The following B4GALNT3 variants were observed in gnomAD, a reference collection of about 807,000 sequenced individuals.
B4GALNT3 encodes beta-1,4-N-acetyl-galactosaminyltransferase 3.
B4GALNT3 carries 86 observed loss-of-function variants against 120.2 expected under a neutral mutation model. The observed-to-expected ratio is 0.72, with a 90% CI of 0.60 to 0.86. B4GALNT3 has a LOEUF of 0.86. Among genes scored for constraint, B4GALNT3 ranks in the 40% least tolerant of loss-of-function variants. The probability of loss-of-function intolerance (pLI) is 0.00; values close to 1 mark genes in which losing one functional copy is unlikely to be tolerated. For missense variants in B4GALNT3, 1,167 were observed against 1,298.9 expected (o/e 0.90, Z 1.56); for synonymous variants, 518 against 510.4 (o/e 1.01, Z -0.20).
rs774478685 is a variant in B4GALNT3 at position 561,783 on chromosome 12, G to A, written c.*332G>A. 9 of 240,884 alleles carry A rather than the reference G, an allele frequency of 3.7e-5. No individual in the cohort carries two copies. Among genetic ancestry groups the A allele is most frequent in the East Asian group, 2.9e-4 (3 of 10,394 alleles). 14.9% of individuals were successfully genotyped at this position (240,884 alleles called of 1,614,324 possible). A position where few individuals can be genotyped will look rare whatever the true frequency, so the allele number is the denominator to read the frequency against. On this transcript the variant is annotated 3_prime_UTR_variant, in exon 20 of 20. Transcript: ENST00000266383. ...ACCATCCTCATCCATGAAGGTGCAC[G>A]CCCACATCCCCCAAGCGCTCCTCAC...
chr12:468,980 T>C (rs1946109807), intron 1 of B4GALNT3, among the ~76,000 whole-genome samples: 1 of 152,248 alleles, frequency 6.6e-6, no homozygotes, highest in South Asian at 2.1e-4. Context: ...AGACTTTATG[T>C]ATAAATGCTC....
chr12:556,483 C>T, intron 14 of B4GALNT3, 64 bp from the exon 15 acceptor site: 1 of 1,483,430 alleles, frequency 6.7e-7, no homozygotes, highest in Non-Finnish European at 9.3e-7. Flanking sequence ...AGGCTTCTCA[C>T]ACACCGTGCT....
Position 536,309 on chromosome 12 carries a change from T to C in B4GALNT3, c.351+14T>C. The C allele has an allele frequency of 6.3e-7, 1 of 1,595,508 alleles. No homozygotes were observed. Among genetic ancestry groups the C allele is most frequent in the African/African-American group, 1.3e-5 (1 of 74,624 alleles). On this transcript the variant is annotated intron_variant, in intron 3 of 19. Transcript: ENST00000266383. The stretch of plus-strand genomic sequence containing the variant: ...TGGCTCTCAGAGGTGAGGGACTTTC[T>C]ATTGTACCTGCCCTTTGAGAGAGCT...
At chr12:508,474 G>A (rs557697620) in intron 1 of B4GALNT3, among the ~76,000 whole-genome samples, 1 of 152,212 alleles carries the variant, frequency 6.6e-6, no homozygotes, top group Non-Finnish European at 1.5e-5. Flanking sequence ...TAGAGATAGG[G>A]TCTTACTACA....
chr12:462,212 G>T (rs1057089473), intron 1 of B4GALNT3, among the ~76,000 whole-genome samples: 2 of 152,006 alleles, frequency 1.3e-5, no homozygotes, highest in African/African-American at 4.8e-5. Context: ...GTGGGTGGGG[G>T]CCTGGGAGGC....
intron 1 of B4GALNT3, among the ~76,000 whole-genome samples, chr12:514,401 G>A (rs1425785062): frequency 6.6e-6 from 1 of 151,712 alleles, no homozygotes; most frequent in Non-Finnish European, 1.5e-5. Context: ...GTTTCACCGT[G>A]TTAGCCAGGA....
chr12:475,570 G>A (rs979737158), intron 1 of B4GALNT3, among the ~76,000 whole-genome samples: 7 of 151,910 alleles, frequency 4.6e-5, no homozygotes, highest in Admixed American at 2.0e-4. Flanking sequence ...CCTCCTCTTC[G>A]CCCTGTGCCT....
At chr12:547,943 T>C in intron 7 of B4GALNT3, 81 bp from the exon 8 acceptor site, 1 of 1,194,440 alleles carries the variant, frequency 8.4e-7, no homozygotes. Flanking sequence ...GAGTGTAAGG[T>C]GCTGGAAGGG....
rs1161523775 is a variant in B4GALNT3, at chr12:553,060, G to A, written c.1271-134G>A. ...TACCTTGCCCAGGGTCACACAGTAAGCGATAGAACCTGGATTCAACCCCAG... is the reference window on the plus strand; with the variant it reads ...TACCTTGCCCAGGGTCACACAGTAAACGATAGAACCTGGATTCAACCCCAG... On this transcript the variant is annotated intron_variant, in intron 13 of 19. Coordinates refer to ENST00000266383, the MANE Select transcript of B4GALNT3 (RefSeq NM_173593.4). 4 of 1,306,704 alleles carry A rather than the reference G, an allele frequency of 3.1e-6. No individual in the cohort carries two copies. The African/African-American group carries it at 5.9e-5, about 19-fold the overall frequency. The allele number at this position is 1,306,704 out of a possible 1,614,324, so 80.9% of individuals were successfully genotyped here.
intron 1 of B4GALNT3, among the ~76,000 whole-genome samples, chr12:492,471 T>C (rs1946351592): frequency 6.6e-6 from 1 of 152,180 alleles, no homozygotes; most frequent in African/African-American, 2.4e-5. Context: ...ATCAAAGAAC[T>C]AATTAAGTAA....
chr12:520,751 A>T (rs1160676712), intron 1 of B4GALNT3, among the ~76,000 whole-genome samples: 1 of 137,388 alleles, frequency 7.3e-6, no homozygotes, highest in African/African-American at 2.7e-5. Flanking sequence ...AGATCGTGCC[A>T]CTGCGCTCCA....
intron 19 of B4GALNT3, among the ~76,000 whole-genome samples, chr12:560,918 C>A (rs1565613835): frequency 6.6e-6 from 1 of 151,938 alleles, no homozygotes. Flanking sequence ...GCCCTGCCTT[C>A]CTCCGTCTAT....
chr12:553,643 C>G lies in B4GALNT3; in HGVS notation c.1720C>G (p.Arg574Gly). 1 of 1,613,964 alleles carries G rather than the reference C, an allele frequency of 6.2e-7. No homozygotes were observed. Among genetic ancestry groups the G allele is most frequent in the Non-Finnish European group, 8.5e-7 (1 of 1,179,894 alleles). ...GGAGTCGTACATCGCAGAGCAGAGACGGGGTGACAGGATGCGGCCTCAGGC... is the reference window on the plus strand; with the variant it reads ...GGAGTCGTACATCGCAGAGCAGAGAGGGGGTGACAGGATGCGGCCTCAGGC... ...QVESYIAEQR[R>G]GDRMRPQAPG... The change falls in exon 14 of 20, where the codon CGG (arginine) becomes GGG (glycine). Residue 574 changes from arginine to glycine, a missense_variant. Arg to Gly is a moderately radical substitution (Grantham distance 125, BLOSUM62 -2). Transcript: ENST00000266383.
chr12:500,227 C>T (rs4980925), intron 1 of B4GALNT3, among the ~76,000 whole-genome samples: 33,117 of 152,014 alleles, frequency 0.22, 4,779 homozygotes, highest in African/African-American at 0.36. Context: ...CACTGCAGCC[C>T]CAAACTCCTG....
Position 557,769 on chromosome 12 carries a change from G to T in B4GALNT3, c.2534+8G>T. On this transcript the variant is annotated splice_region_variant and intron_variant, in intron 16 of 19. Transcript: ENST00000266383. The stretch of plus-strand genomic sequence containing the variant: ...GAGGTCCAAGCTGCGGAGGTGAGGG[G>T]GACCACCAGCCAGGGGGTGGCATGG... The T allele has an allele frequency of 6.3e-7, 1 of 1,597,620 alleles. No individual in the cohort carries two copies. Among genetic ancestry groups the T allele is most frequent in the Non-Finnish European group, 8.5e-7 (1 of 1,174,848 alleles).
intron 1 of B4GALNT3, among the ~76,000 whole-genome samples, chr12:505,715 A>G (rs189638762): frequency 6.6e-6 from 1 of 152,078 alleles, no homozygotes; most frequent in African/African-American, 2.4e-5. Flanking sequence ...CCCTTGTTTC[A>G]TGTTGCTGGG....
At chr12:501,095 G>A (rs532702373) in intron 1 of B4GALNT3, among the ~76,000 whole-genome samples, 8 of 151,920 alleles carry the variant, frequency 5.3e-5, no homozygotes, top group Non-Finnish European at 1.0e-4. Context: ...GGCTGGTCTC[G>A]AACTCCCAAC....
At chr12:497,222 C>T (rs774624696) in intron 1 of B4GALNT3, among the ~76,000 whole-genome samples, 45 of 152,136 alleles carry the variant, frequency 3.0e-4, no homozygotes, top group Non-Finnish European at 5.7e-4. Flanking sequence ...GCCGCGATCT[C>T]GGCTCACTGC....
rs1027439535 is a variant in B4GALNT3 at position 552,253 on chromosome 12, C to T, written c.1208+90C>T. The T allele has an allele frequency of 1.0e-5, 12 of 1,177,756 alleles. 1 individual carries two copies. Among genetic ancestry groups the T allele is most frequent in the Middle Eastern group, 3.9e-4 (2 of 5,146 alleles). The allele number at this position is 1,177,756 out of a possible 1,614,324, so 73.0% of individuals were successfully genotyped here. A position where few individuals can be genotyped will look rare whatever the true frequency, so the allele number is the denominator to read the frequency against. On this transcript the variant is annotated intron_variant, in intron 12 of 19. Transcript: ENST00000266383. ...TGCCTGGACCAGGGTGATGGTGGCA[C>T]CCCAGCCCAAAGTCTTTGCTCTTGC...
Sources: gnomAD v4.1 joint callset for allele counts (sites outside exome capture counted in the v4.1 genomes callset) on GRCh38, gnomAD v4.1.1 for gene constraint, MANE v1.5 for transcripts, NCBI Gene and HGNC (gene_info 2026-07-23, HGNC 2026-07-21) for gene names.